Variants in ZNF85 observed in about 807,000 individuals in gnomAD.
ZNF85 encodes zinc finger protein 85 (HPF4, HTF1).
In ZNF85, 50 loss-of-function variants were observed where a neutral mutation model predicts 53.9. The observed-to-expected ratio is 0.93, with a 90% CI of 0.74 to 1.17. ZNF85 has a LOEUF of 1.17. Among genes scored for constraint, ZNF85 ranks in the 50% most tolerant of loss-of-function variants. ZNF85 has a pLI of 0.00. For synonymous variants in ZNF85, 225 were observed against 226.1 expected, an observed-to-expected ratio of 1.00 and a Z score of 0.04; for missense variants, 747 against 688.5, an observed-to-expected ratio of 1.08 and a Z score of -0.95.
intron 3 of ZNF85, chr19:20,942,954 T>C: frequency 1.8e-6 from 1 of 545,654 alleles, no homozygotes; most frequent in South Asian, 2.4e-5. Flanking sequence ...TTTTTGATTA[T>C]TTGTAGAGAC....
At position 20,934,059 on chromosome 19, in the gene ZNF85, C is replaced by G. The variant is rs1973096719; in HGVS notation, c.39C>G (p.Phe13Leu). ...PLTFRDVAIEFSLKEWQCLDT... is the reference protein window; with the variant it reads ...PLTFRDVAIELSLKEWQCLDT... Reference sequence around the variant, plus strand: ...CATTTAGGGATGTGGCCATAGAATTCTCTCTGAAGGAGTGGCAATGCCTGG... The same window carrying G: ...CATTTAGGGATGTGGCCATAGAATTGTCTCTGAAGGAGTGGCAATGCCTGG... Residue 13 changes from phenylalanine to leucine, a missense_variant, in exon 2 of 4, where the codon TTC (phenylalanine) becomes TTG (leucine). By Grantham distance (22) the Phe-to-Leu change is conservative (BLOSUM62 0). Transcript: ENST00000328178. 1.9e-6 allele frequency: 3 copies of G among 1,612,190 alleles called. No individual in the cohort carries two copies. Among genetic ancestry groups the G allele is most frequent in the Non-Finnish European group, 2.5e-6 (3 of 1,179,120 alleles).
In ZNF85 at chr19:20,930,284, G is replaced by T. The variant is rs534744741; in HGVS notation, c.4-3740G>T. Among the ~76,000 whole-genome samples the T allele has an allele frequency of 7.2e-5, 11 of 152,188 alleles. No homozygotes were observed. The East Asian group carries it at 2.1e-3, about 29-fold the overall frequency. On this transcript the variant is annotated intron_variant, in intron 1 of 3. Transcript: ENST00000328178. Reference sequence around the variant, plus strand: ...ATTTTTAAATTTTGTATTAAAGTGAGTGCTTGCAGAAACATTCTATTTAAC... The same window carrying T: ...ATTTTTAAATTTTGTATTAAAGTGATTGCTTGCAGAAACATTCTATTTAAC...
At position 20,949,052 on chromosome 19, in the gene ZNF85, G is replaced by A; in HGVS notation, c.538G>A (p.Gly180Ser). 3.7e-6 allele frequency: 6 copies of A among 1,613,846 alleles called. No individual in the cohort carries two copies. Among genetic ancestry groups the A allele is most frequent in the Non-Finnish European group, 5.1e-6 (6 of 1,179,838 alleles). Residue 180 changes from glycine (G) to serine (S), a missense_variant, in exon 4 of 4, where the codon GGC becomes AGC. Transcript: ENST00000328178. ...GAAACCTTTCAAATGTACAAAATGT[G>A]GCAAATCATTTGGCATGATTTCATG... ...KKKPFKCTKC[G>S]KSFGMISCLT...
At chr19:20,945,228 C>T (rs921635934) in intron 3 of ZNF85, among the ~76,000 whole-genome samples, 5 of 152,058 alleles carry the variant, frequency 3.3e-5, no homozygotes, top group African/African-American at 1.2e-4. Flanking sequence ...CAACATATCA[C>T]CAAAATGTTT....
In ZNF85 at chr19:20,950,058, G is replaced by A. The variant is rs577714892; in HGVS notation, c.1544G>A (p.Cys515Tyr). The A allele has an allele frequency of 2.5e-5, 41 of 1,613,146 alleles. No homozygotes were observed. The East Asian group carries it at 8.5e-4, about 33-fold the overall frequency. ...TGEKPYKCEE[C>Y]GKAFNQSSKL... ...GAGAAACCATACAAATGTGAAGAAT[G>A]TGGCAAAGCTTTTAACCAATCCTCA... The change falls in exon 4 of 4, where the codon TGT (cysteine) becomes TAT (tyrosine). Residue 515 changes from cysteine to tyrosine, a missense_variant. Transcript: ENST00000328178.
chr19:20,929,132 C>T (rs1242529324), intron 1 of ZNF85, among the ~76,000 whole-genome samples: 1 of 150,618 alleles, frequency 6.6e-6, no homozygotes, highest in Non-Finnish European at 1.5e-5. Flanking sequence ...GAGTCTTGCT[C>T]TGTCACCCAG....
At chr19:20,948,185 C>T (rs1286527762) in intron 3 of ZNF85, among the ~76,000 whole-genome samples, 1 of 151,944 alleles carries the variant, frequency 6.6e-6, no homozygotes, top group Admixed American at 6.6e-5. Flanking sequence ...GTTCATGTTT[C>T]TTCTTAATAG....
At chr19:20,942,428 C>A (rs2144653636) in intron 3 of ZNF85, among the ~76,000 whole-genome samples, 1 of 152,222 alleles carries the variant, frequency 6.6e-6, no homozygotes, top group East Asian at 1.9e-4. Flanking sequence ...AGACGTGAGC[C>A]ACCTTGCTGG....
In ZNF85 at chr19:20,948,742, A is replaced by G. The variant is rs150314828; in HGVS notation, c.230-2A>G. On this transcript the variant is annotated splice_acceptor_variant, in intron 3 of 3. Coordinates refer to ENST00000328178, the MANE Select transcript of ZNF85 (RefSeq NM_003429.5). LOFTEE classifies it high-confidence loss of function. ...GTAATTTGTCATTTTTGTTTCTTTC[A>G]GTTATGTGTTCTCATTTTGCCCAAG... 5 of 1,529,174 alleles carry G rather than the reference A, an allele frequency of 3.3e-6. No individual in the cohort carries two copies. The highest frequency in any genetic ancestry group is 4.4e-6 in the Non-Finnish European group (5 of 1,141,418). The allele number at this position is 1,529,174 out of a possible 1,614,324, so 94.7% of individuals were successfully genotyped here. A position where few individuals can be genotyped will look rare whatever the true frequency, so the allele number is the denominator to read the frequency against.
intron 1 of ZNF85, among the ~76,000 whole-genome samples, chr19:20,928,872 G>A (rs751037240): frequency 2.0e-5 from 3 of 151,922 alleles, no homozygotes; most frequent in Non-Finnish European, 4.4e-5. Flanking sequence ...CACCCATGAA[G>A]TTTTTTTCTT....
rs759654692 is a variant in ZNF85, at chr19:20,933,989, GTGTGTGTGTA to G, written c.4-29_4-20del. The G allele has an allele frequency of 2.3e-4, 321 of 1,375,130 alleles. No individual in the cohort carries two copies. In the East Asian group the frequency reaches 4.3e-3, roughly 19 times the overall value. The allele number at this position is 1,375,130 out of a possible 1,614,324, so 85.2% of individuals were successfully genotyped here. The stretch of plus-strand genomic sequence containing the variant: ...TGTGTGTGTGTGTGTGTGTGTGTGT[GTGTGTGTGTA>G]TGTGTATGTGTGTGTATCTTTCAGG... On this transcript the variant is annotated intron_variant, in intron 1 of 3. Coordinates refer to ENST00000328178, the MANE Select transcript of ZNF85 (RefSeq NM_003429.5).
intron 1 of ZNF85, among the ~76,000 whole-genome samples, chr19:20,923,685 A>T (rs1972813041): frequency 6.7e-6 from 1 of 150,302 alleles, no homozygotes; most frequent in African/African-American, 2.4e-5. Flanking sequence ...CAGATTGAGC[A>T]GGGACCACGG....
chr19:20,924,671 C>G (rs1421263423), intron 1 of ZNF85, among the ~76,000 whole-genome samples: 1 of 152,134 alleles, frequency 6.6e-6, no homozygotes, highest in African/African-American at 2.4e-5. Context: ...ATTATTTGTC[C>G]TTTATTGTAC....
At chr19:20,932,294 T>C (rs1026144170) in intron 1 of ZNF85, among the ~76,000 whole-genome samples, 4 of 152,228 alleles carry the variant, frequency 2.6e-5, no homozygotes, top group African/African-American at 9.6e-5. Context: ...TAGAATGCCA[T>C]GCAAATCATT....
intron 1 of ZNF85, among the ~76,000 whole-genome samples, chr19:20,926,396 G>A (rs563066198): frequency 3.6e-4 from 54 of 152,108 alleles, no homozygotes; most frequent in African/African-American, 1.3e-3. Flanking sequence ...TGTCTGAAAG[G>A]AATAAATGCT....
Position 20,950,454 on chromosome 19 carries a change from A to G in ZNF85, c.*152A>G. 1 of 561,670 alleles carries G rather than the reference A, an allele frequency of 1.8e-6. No individual in the cohort carries two copies. The highest frequency in any genetic ancestry group is 3.0e-6 in the Non-Finnish European group (1 of 338,280). The allele number at this position is 561,670 out of a possible 1,614,324, so 34.8% of individuals were successfully genotyped here. A position where few individuals can be genotyped will look rare whatever the true frequency, so the allele number is the denominator to read the frequency against. On this transcript the variant is annotated 3_prime_UTR_variant, in exon 4 of 4. Coordinates refer to ENST00000328178, the MANE Select transcript of ZNF85 (RefSeq NM_003429.5). ...ATCATACTGGTGAGAAATTCTAAAA[A>G]TGTGAAGACTATGGCAAAGTCTTTA...
intron 3 of ZNF85, among the ~76,000 whole-genome samples, chr19:20,947,375 A>G (rs1380352607): frequency 6.6e-6 from 1 of 150,906 alleles, no homozygotes; most frequent in African/African-American, 2.4e-5. Context: ...AATTTTGGAT[A>G]TGTGCATATC....
chr19:20,934,054 G>T lies in ZNF85; in HGVS notation c.34G>T (p.Glu12Ter). Residue 12 changes from glutamate (E) to a stop codon, truncating the protein, a stop_gained, in exon 2 of 4, where the codon GAA (glutamate) becomes TAA (stop). Transcript: ENST00000328178. LOFTEE classifies it high-confidence loss of function. Reference protein sequence around the residue: ...GPLTFRDVAIEFSLKEWQCLD... With the variant: ...GPLTFRDVAI ...ATTGACATTTAGGGATGTGGCCATA[G>T]AATTCTCTCTGAAGGAGTGGCAATG... The T allele has an allele frequency of 2.5e-6, 4 of 1,604,708 alleles. No homozygotes were observed. The highest frequency in any genetic ancestry group is 3.4e-6 in the Non-Finnish European group (4 of 1,174,716).
rs745557404 is a variant in ZNF85 at position 20,950,033 on chromosome 19, G to C, written c.1519G>C (p.Glu507Gln). 6.2e-7 allele frequency: 1 copy of C among 1,612,934 alleles called. No homozygotes were observed. The highest frequency in any genetic ancestry group is 8.5e-7 in the Non-Finnish European group (1 of 1,179,716). ...LTIHKIIHTGEKPYKCEECGK... is the reference protein window; with the variant it reads ...LTIHKIIHTGQKPYKCEECGK... ...TATCCATAAGATAATTCATACTGGA[G>C]AGAAACCATACAAATGTGAAGAATG... Residue 507 changes from glutamate to glutamine, a missense_variant, in exon 4 of 4, where the codon GAG becomes CAG. Glu to Gln is a conservative substitution (Grantham distance 29). Transcript: ENST00000328178.
Sources: gnomAD v4.1 joint callset for allele counts (sites outside exome capture counted in the v4.1 genomes callset) on GRCh38, gnomAD v4.1.1 for gene constraint, MANE v1.5 for transcripts, NCBI Gene and HGNC (gene_info 2026-07-23, HGNC 2026-07-21) for gene names.